Variants in TMEM132D observed in about 807,000 individuals in gnomAD.
TMEM132D encodes the protein transmembrane protein 132D.
Under a neutral mutation model 62.3 loss-of-function variants are expected in TMEM132D, and 21 were observed. The observed-to-expected ratio is 0.34, with a 90% CI of 0.24 to 0.49. The LOEUF (loss-of-function observed/expected upper bound fraction) is 0.49. TMEM132D is among the 20% of genes least tolerant of loss of function. The probability of loss-of-function intolerance (pLI) is 0.99; values close to 1 mark genes in which losing one functional copy is unlikely to be tolerated. For synonymous variants in TMEM132D, 621 were observed against 575.6 expected (o/e 1.08, Z -1.13); for missense variants, 1,346 against 1,402.8 (o/e 0.96, Z 0.65).
chr12:129,842,759 T>G (rs1375829760), intron 1 of TMEM132D, among the ~76,000 whole-genome samples: 1 of 152,166 alleles, frequency 6.6e-6, no homozygotes, highest in Non-Finnish European at 1.5e-5. Context: ...GAGGGAGAGA[T>G]TCCTGCTTCC....
chr12:129,871,247 G>A lies in TMEM132D; in HGVS notation c.79+32014C>T, dbSNP rs576997028. ...GTGAGAGTGAAGTCAGAAATTCTTC[G>A]GAAACATTCTCTTGGTTTTATGCTG... On this transcript the variant is annotated intron_variant, in intron 1 of 8. Transcript: ENST00000422113. 2.5e-3 allele frequency among the ~76,000 whole-genome samples: 388 copies of A among 152,180 alleles called. 1 individual carries two copies. The highest frequency in any genetic ancestry group is 9.0e-3 in the African/African-American group (375 of 41,542).
intron 2 of TMEM132D, among the ~76,000 whole-genome samples, chr12:129,665,138 C>T (rs905175952): frequency 1.2e-4 from 18 of 152,178 alleles, no homozygotes; most frequent in African/African-American, 4.1e-4. Context: ...CCAGATCCTA[C>T]CCCAGACCCT....
In TMEM132D at chr12:129,429,965, C is replaced by G. The variant is rs960162188; in HGVS notation, c.1116-92148G>C. Among the ~76,000 whole-genome samples, 3 of 152,054 alleles carry G rather than the reference C, an allele frequency of 2.0e-5. No homozygotes were observed. In the East Asian group the frequency reaches 5.8e-4, roughly 29 times the overall value. ...CCATGGTGTATATGTGCCACATTTT[C>G]TTAATCCAGTCTATTGTTGTTGGAC... On this transcript the variant is annotated intron_variant, in intron 3 of 8. Coordinates refer to ENST00000422113, the MANE Select transcript of TMEM132D (RefSeq NM_133448.3).
At chr12:129,309,884 G>A (rs1394232255) in intron 4 of TMEM132D, among the ~76,000 whole-genome samples, 1 of 152,144 alleles carries the variant, frequency 6.6e-6, no homozygotes, top group Non-Finnish European at 1.5e-5. Flanking sequence ...CAAAAGCCAT[G>A]GTAGAGTCGT....
At chr12:129,235,689 A>T (rs1879760467) in intron 4 of TMEM132D, among the ~76,000 whole-genome samples, 1 of 152,132 alleles carries the variant, frequency 6.6e-6, no homozygotes, top group Non-Finnish European at 1.5e-5. Flanking sequence ...GTGCAGCCAT[A>T]TGTCTTCATT....
chr12:129,240,136 T>C (rs1004927441), intron 4 of TMEM132D, among the ~76,000 whole-genome samples: 2 of 152,016 alleles, frequency 1.3e-5, no homozygotes, highest in African/African-American at 4.8e-5. Context: ...GCATAAAGAA[T>C]AAAACAGCAA....
intron 3 of TMEM132D, among the ~76,000 whole-genome samples, chr12:129,404,921 A>T (rs993187150): frequency 6.6e-6 from 1 of 152,098 alleles, no homozygotes; most frequent in Non-Finnish European, 1.5e-5. Flanking sequence ...TGCTAAAAAG[A>T]TCATTTATTT....
chr12:129,453,377 C>A lies in TMEM132D; in HGVS notation c.1115+77682G>T, dbSNP rs953546662. On this transcript the variant is annotated intron_variant, in intron 3 of 8. Transcript: ENST00000422113. ...GGAATTCCCTCCCGCAGGGTCCCAT[C>A]CTTTCTAAATCCAAACTGCATTCAA... 9.5e-4 allele frequency among the ~76,000 whole-genome samples: 144 copies of A among 152,186 alleles called. 2 individuals carry two copies. The highest frequency in any genetic ancestry group is 1.8e-4 in the Non-Finnish European group (12 of 68,024).
intron 1 of TMEM132D, among the ~76,000 whole-genome samples, chr12:129,776,566 C>T (rs993680027): frequency 2.6e-5 from 4 of 151,498 alleles, no homozygotes; most frequent in South Asian, 4.2e-4. Context: ...ATGCTTCATA[C>T]GAAATCACAT....
intron 2 of TMEM132D, among the ~76,000 whole-genome samples, chr12:129,593,198 T>C (rs1168399866): frequency 6.6e-6 from 1 of 152,236 alleles, no homozygotes; most frequent in Non-Finnish European, 1.5e-5. Context: ...AAAGTCCTTC[T>C]GACTTTCAAG....
At chr12:129,137,498 G>A (rs1876619034) in intron 5 of TMEM132D, among the ~76,000 whole-genome samples, 2 of 152,200 alleles carry the variant, frequency 1.3e-5, no homozygotes, top group South Asian at 4.1e-4. Flanking sequence ...TTGAATGCCA[G>A]TCTTAGTGAA....
chr12:129,496,510 T>G (rs769846669), intron 3 of TMEM132D, among the ~76,000 whole-genome samples: 10 of 152,030 alleles, frequency 6.6e-5, no homozygotes, highest in Non-Finnish European at 1.3e-4. Context: ...ACGTGGGAAG[T>G]GACTCAGGCA....
intron 1 of TMEM132D, among the ~76,000 whole-genome samples, chr12:129,786,945 A>ATTTCT (rs1871262879): frequency 6.6e-6 from 1 of 151,862 alleles, no homozygotes; most frequent in African/African-American, 2.4e-5. Flanking sequence ...ATGAAGAGAA[A>ATTTCT]CAGTGACAGC....
intron 1 of TMEM132D, among the ~76,000 whole-genome samples, chr12:129,745,262 G>A (rs1869739804): frequency 3.3e-5 from 5 of 152,166 alleles, no homozygotes; most frequent in Admixed American, 3.3e-4. Flanking sequence ...GAGACTGGCT[G>A]GAAGTGCTGG....
intron 1 of TMEM132D, among the ~76,000 whole-genome samples, chr12:129,747,177 T>TCTCCTTCTCCCTCCTCCCA (rs71082749): frequency 1.5e-5 from 2 of 132,088 alleles, no homozygotes; most frequent in Non-Finnish European, 3.3e-5. Context: ...GTCCAATAGC[T>TCTCCTTCTCCCTCCTCCCA]CTCCTTCTCC....
At chr12:129,475,260 G>A (rs542334838) in intron 3 of TMEM132D, among the ~76,000 whole-genome samples, 197 of 152,262 alleles carry the variant, frequency 1.3e-3, no homozygotes, top group African/African-American at 4.7e-3. Context: ...GGAAACAGCT[G>A]GATGTTTCTG....
At chr12:129,549,794 C>T (rs555708816) in intron 2 of TMEM132D, among the ~76,000 whole-genome samples, 1 of 152,290 alleles carries the variant, frequency 6.6e-6, no homozygotes, top group South Asian at 2.1e-4. Flanking sequence ...TTTGTTATGT[C>T]ATCTTTTCCT....
At chr12:129,507,809 G>A (rs80246152) in intron 3 of TMEM132D, among the ~76,000 whole-genome samples, 1 of 152,096 alleles carries the variant, frequency 6.6e-6, no homozygotes, top group African/African-American at 2.4e-5. Context: ...CACCACTAAA[G>A]AACTTACTCA....
intron 3 of TMEM132D, among the ~76,000 whole-genome samples, chr12:129,378,107 CTCTTT>C (rs1233383970): frequency 6.6e-6 from 1 of 152,198 alleles, no homozygotes; most frequent in Non-Finnish European, 1.5e-5. Flanking sequence ...AGCCTCTTTT[CTCTTT>C]TAAGGCCATA....
Sources: allele counts gnomAD v4.1 joint callset (sites outside exome capture counted in the v4.1 genomes callset), GRCh38; gene constraint gnomAD v4.1.1; transcripts MANE v1.5; gene names NCBI Gene and HGNC (gene_info 2026-07-23, HGNC 2026-07-21).